RNF123: variants seen among roughly 807,000 people sequenced by gnomAD.
The protein encoded by RNF123 is E3 ubiquitin-protein ligase RNF123.
RNF123 carries 86 observed loss-of-function variants against 168.5 expected under a neutral mutation model. That is an observed-to-expected ratio of 0.51 (90% CI 0.43 to 0.61). RNF123 has a LOEUF of 0.61. Ranked by LOEUF, RNF123 falls within the 20% of genes least tolerant of loss-of-function variation. RNF123 has a pLI of 0.00. For missense variants in RNF123, 1,419 were observed against 1,729.7 expected (o/e 0.82, Z 3.19); for synonymous variants, 666 against 689.1 (o/e 0.97, Z 0.52).
intron 15 of RNF123, among the ~76,000 whole-genome samples, chr3:49,700,936 G>A (rs922746298): frequency 6.6e-6 from 1 of 152,256 alleles, no homozygotes; most frequent in Non-Finnish European, 1.5e-5. Flanking sequence ...CTCGGGCTAC[G>A]CAGAGGTGTG....
intron 22 of RNF123, 86 bp downstream of exon 22, chr3:49,704,842 G>T: frequency 7.1e-7 from 1 of 1,404,656 alleles, no homozygotes; most frequent in East Asian, 2.5e-5. Flanking sequence ...GCCACTTCCC[G>T]CTCCATGCAG....
chr3:49,691,579 G>C (rs2054167836), intron 3 of RNF123, 70 bp downstream of exon 3: 1 of 1,262,908 alleles, frequency 7.9e-7, no homozygotes, highest in Non-Finnish European at 1.1e-6. Context: ...GCAGTTGTAG[G>C]GAAAGGGAGC....
Position 49,715,697 on chromosome 3 carries a change from A to G in RNF123, c.3133A>G (p.Ile1045Val). 6.2e-7 allele frequency: 1 copy of G among 1,614,204 alleles called. No homozygotes were observed. The highest frequency in any genetic ancestry group is 1.3e-5 in the African/African-American group (1 of 75,052). Reference sequence around the variant, plus strand: ...GCTCAACTGGGCCTTCTCTGAATTCATTGGCATGATCCAAGAGGTGGGCTG... The same window carrying G: ...GCTCAACTGGGCCTTCTCTGAATTCGTTGGCATGATCCAAGAGGTGGGCTG... ...NQLNWAFSEF[I>V]GMIQEIQQAA... Residue 1045 changes from isoleucine (I) to valine (V), a missense_variant, in exon 32 of 39, where the codon ATT (isoleucine) becomes GTT (valine). Ile to Val is a conservative substitution (Grantham distance 29). This residue lies in a region of RNF123 where 538 missense variants were observed against 708.8 expected (regional missense o/e 0.76). Transcript: ENST00000327697.
chr3:49,713,235 A>G lies in RNF123; in HGVS notation c.2675-278A>G. On this transcript the variant is annotated intron_variant, in intron 27 of 38. Transcript: ENST00000327697. ...AAGACAGAGCTGTGAGTGCCCAAGG[A>G]GCTTTGACTGCTCATCAGGTGTGTG... 5.1e-6 allele frequency: 3 copies of G among 589,762 alleles called. No homozygotes were observed. The South Asian group carries it at 6.1e-5, about 12-fold the overall frequency. The allele number at this position is 589,762 out of a possible 1,614,324, so 36.5% of individuals were successfully genotyped here.
At chr3:49,711,014 CTT>C (rs1276978223) in intron 26 of RNF123, among the ~76,000 whole-genome samples, 1 of 152,184 alleles carries the variant, frequency 6.6e-6, no homozygotes, top group Admixed American at 6.5e-5. Flanking sequence ...GGGAGGATCA[CTT>C]GAAGCCAAGA....
At chr3:49,705,909 C>T in intron 24 of RNF123, 73 bp from the exon 25 acceptor site, 1 of 1,543,336 alleles carries the variant, frequency 6.5e-7, no homozygotes, top group South Asian at 1.1e-5. Context: ...GGGCTGGGGT[C>T]CAGACTGGGT....
chr3:49,698,183 C>T lies in RNF123; in HGVS notation c.483+46C>T. On this transcript the variant is annotated intron_variant, in intron 7 of 38. Transcript: ENST00000327697. ...CCCTCCCTGGGCCCAGGGAGAGCTT[C>T]TCCTGCCACAGGCCTCATCAGGTCT... The T allele has an allele frequency of 1.3e-6, 2 of 1,530,954 alleles. 1 individual carries two copies. The highest frequency in any genetic ancestry group is 2.2e-5 in the South Asian group (2 of 88,942). 94.8% of individuals were successfully genotyped at this position (1,530,954 alleles called of 1,614,324 possible).
At chr3:49,691,718 AGTCAGGGAGCAGAG>A (rs2054170401) in intron 3 of RNF123, among the ~76,000 whole-genome samples, 1 of 152,190 alleles carries the variant, frequency 6.6e-6, no homozygotes, top group Non-Finnish European at 1.5e-5. Flanking sequence ...TCCTTCTGAG[AGTCAGGGAGCAGAG>A]GTCAGGGAGC....
Position 49,698,842 on chromosome 3 carries a change from G to T in RNF123, c.638+20G>T. 1.2e-6 allele frequency: 2 copies of T among 1,613,362 alleles called. No homozygotes were observed. The highest frequency in any genetic ancestry group is 2.7e-5 in the African/African-American group (2 of 75,038). On this transcript the variant is annotated intron_variant, in intron 9 of 38. Transcript: ENST00000327697. ...CTGCCTGTGAGTTTCCTATCTCTATGCACAGGCCTGGCCCCTGGGGCCTCC... is the reference window on the plus strand; with the variant it reads ...CTGCCTGTGAGTTTCCTATCTCTATTCACAGGCCTGGCCCCTGGGGCCTCC...
At chr3:49,719,217 G>A in intron 35 of RNF123, 3 of 1,613,210 alleles carry the variant, frequency 1.9e-6, no homozygotes, top group Non-Finnish European at 2.5e-6. Flanking sequence ...GCTGGAAGAG[G>A]GGCGCCAACC....
At chr3:49,719,764 C>T in intron 35 of RNF123, 3 of 348,916 alleles carry the variant, frequency 8.6e-6, no homozygotes, top group Non-Finnish European at 1.1e-5. Flanking sequence ...TTTGAGGAGG[C>T]GGGGCGGCTA....
chr3:49,714,371 C>T (rs550148064), intron 31 of RNF123, among the ~76,000 whole-genome samples, 197 bp downstream of exon 31: 2 of 152,334 alleles, frequency 1.3e-5, no homozygotes, highest in East Asian at 1.9e-4. Flanking sequence ...ATGGGACTCC[C>T]CCTCCCCAGC....
At chr3:49,701,424 G>A (rs1490333585) in intron 15 of RNF123, 67 bp from the exon 16 acceptor site, 5 of 1,262,266 alleles carry the variant, frequency 4.0e-6, no homozygotes, top group Non-Finnish European at 5.8e-6. Context: ...TGGGCTCCTG[G>A]GGAAGGACTC....
At position 49,699,857 on chromosome 3, in the gene RNF123, T is replaced by C; in HGVS notation, c.984+85T>C. 1 of 1,366,594 alleles carries C rather than the reference T, an allele frequency of 7.3e-7. No homozygotes were observed. The highest frequency in any genetic ancestry group is 2.4e-5 in the East Asian group (1 of 42,524). The allele number at this position is 1,366,594 out of a possible 1,614,324, so 84.7% of individuals were successfully genotyped here. A position where few individuals can be genotyped will look rare whatever the true frequency, so the allele number is the denominator to read the frequency against. ...TGGTAGATGTGCCCTCACTGAGGGC[T>C]GCAGTGCTGAGGTCCCACAGCATCA... On this transcript the variant is annotated intron_variant, in intron 12 of 38. Transcript: ENST00000327697. This position sits in a 1 kb window ranked among gnomAD's most constrained non-coding sequence, Gnocchi z 4.8.
chr3:49,704,726 G>GGATGA lies in RNF123; in HGVS notation c.1931_1935dup (p.Glu646MetfsTer47). On this transcript the variant is annotated frameshift_variant, in exon 22 of 39. Coordinates refer to ENST00000327697, the MANE Select transcript of RNF123 (RefSeq NM_022064.5). LOFTEE classifies it high-confidence loss of function. ...CAACCGCCATGGATGACCTAGATGA[G>GGATGA]GATGAGGAGCCAGCCCCAGCTATGG... 1 of 1,592,090 alleles carries GGATGA rather than the reference G, an allele frequency of 6.3e-7. No homozygotes were observed. Among genetic ancestry groups the GGATGA allele is most frequent in the Non-Finnish European group, 8.6e-7 (1 of 1,169,160 alleles).
At chr3:49,706,463 CA>C (rs2054521706) in intron 25 of RNF123, among the ~76,000 whole-genome samples, 1 of 152,246 alleles carries the variant, frequency 6.6e-6, no homozygotes, top group Non-Finnish European at 1.5e-5. Flanking sequence ...TGACAGCCCC[CA>C]CCCACCCCGA....
intron 8 of RNF123, 82 bp downstream of exon 8, chr3:49,698,608 C>T: frequency 6.4e-7 from 1 of 1,552,246 alleles, no homozygotes; most frequent in South Asian, 1.1e-5. Context: ...CCATAAGGGA[C>T]TACAGGGCAC....
At chr3:49,695,892 G>A (rs1255418070) in intron 3 of RNF123, among the ~76,000 whole-genome samples, 1 of 152,186 alleles carries the variant, frequency 6.6e-6, no homozygotes, top group Non-Finnish European at 1.5e-5. Context: ...CTAGGCCTGT[G>A]TGTTGAGAGG....
chr3:49,713,589 T>G lies in RNF123; in HGVS notation c.2749+2T>G. 7 of 1,611,490 alleles carry G rather than the reference T, an allele frequency of 4.3e-6. No homozygotes were observed. Among genetic ancestry groups the G allele is most frequent in the Non-Finnish European group, 5.9e-6 (7 of 1,178,908 alleles). On this transcript the variant is annotated splice_donor_variant, in intron 28 of 38. Coordinates refer to ENST00000327697, the MANE Select transcript of RNF123 (RefSeq NM_022064.5). LOFTEE classifies it high-confidence loss of function. ...CCGACGCACGCATTGTGGGCACTGG[T>G]GAGGGGCCCCTACAGAGGGTACAGG...
Sources: allele counts gnomAD v4.1 joint callset (sites outside exome capture counted in the v4.1 genomes callset), GRCh38; gene constraint gnomAD v4.1.1; regional missense constraint gnomAD v4.1.1; non-coding constraint Gnocchi (gnomAD v3.1); transcripts MANE v1.5; gene names NCBI Gene and HGNC (gene_info 2026-07-23, HGNC 2026-07-21).